Variants in DLG2 observed in about 807,000 individuals in gnomAD.
DLG2 encodes discs large MAGUK scaffold protein 2.
In DLG2, 45 loss-of-function variants were observed where a neutral mutation model predicts 132.5. The observed-to-expected ratio is 0.34, with a 90% confidence interval of 0.27 to 0.44. The LOEUF is 0.44. DLG2 is among the 20% of genes least tolerant of loss of function. The pLI, the probability that DLG2 is intolerant of heterozygous loss-of-function variation, is 1.00. For synonymous variants in DLG2, 424 were observed against 419.6 expected, an observed-to-expected ratio of 1.01 and a Z score of -0.13; for missense variants, 1,045 against 1,196.9, an observed-to-expected ratio of 0.87 and a Z score of 1.87.
At position 85,592,729 on chromosome 11, in the gene DLG2, T is replaced by G. The variant is rs1591109802; in HGVS notation, c.40+5928A>C. On this transcript the variant is annotated intron_variant, in intron 3 of 27. Transcript: ENST00000376104. ...ACTTTGGAATGCCAAGGTGGGAGAA[T>G]CACTTGAGCCCAGGAGTTCAACACC... 4.6e-5 allele frequency among the ~76,000 whole-genome samples: 7 copies of G among 152,082 alleles called. No homozygotes were observed. In the South Asian group the frequency reaches 1.4e-3, roughly 32 times the overall value.
intron 6 of DLG2, among the ~76,000 whole-genome samples, chr11:84,659,624 T>G (rs2099692316): frequency 6.6e-6 from 1 of 152,156 alleles, no homozygotes; most frequent in Non-Finnish European, 1.5e-5. Context: ...TCCTTCACTC[T>G]TTTTCCAAAT....
chr11:84,753,726 T>C (rs930688527), intron 6 of DLG2, among the ~76,000 whole-genome samples: 7 of 152,136 alleles, frequency 4.6e-5, no homozygotes, highest in African/African-American at 1.7e-4. Flanking sequence ...AGTCATGGAA[T>C]GGGCTTGATG....
At chr11:84,289,574 T>C (rs759716579) in intron 7 of DLG2, among the ~76,000 whole-genome samples, 3 of 152,066 alleles carry the variant, frequency 2.0e-5, no homozygotes, top group Non-Finnish European at 4.4e-5. Context: ...TAGAAGCAAG[T>C]TCTTCTAAAT....
chr11:85,179,217 C>T (rs1437124528), intron 4 of DLG2, among the ~76,000 whole-genome samples: 1 of 151,780 alleles, frequency 6.6e-6, no homozygotes, highest in Non-Finnish European at 1.5e-5. Flanking sequence ...GTCCTATAAG[C>T]TTATAGCCAG....
At chr11:84,087,574 G>A (rs2097009550) in intron 10 of DLG2, among the ~76,000 whole-genome samples, 1 of 152,130 alleles carries the variant, frequency 6.6e-6, no homozygotes, top group Non-Finnish European at 1.5e-5. Flanking sequence ...AGACCTTTCA[G>A]ATGTAATTCA....
intron 8 of DLG2, among the ~76,000 whole-genome samples, chr11:84,217,326 G>C (rs2096849533): frequency 6.6e-6 from 1 of 152,148 alleles, no homozygotes; most frequent in Non-Finnish European, 1.5e-5. Context: ...ATGGGGGCAG[G>C]TCTTTCCTGT....
At chr11:83,834,004 A>T (rs575247370) in intron 16 of DLG2, among the ~76,000 whole-genome samples, 4 of 152,324 alleles carry the variant, frequency 2.6e-5, no homozygotes, top group South Asian at 2.1e-4. Context: ...ATTCTAAAAA[A>T]ATTTCTTAAA....
chr11:85,416,579 G>T (rs994773693), intron 3 of DLG2, among the ~76,000 whole-genome samples: 2 of 152,142 alleles, frequency 1.3e-5, no homozygotes, highest in Admixed American at 1.3e-4. Flanking sequence ...CATCAGTATG[G>T]AATGTTCTTC....
At chr11:84,927,887 C>G (rs766948357) in intron 6 of DLG2, among the ~76,000 whole-genome samples, 1 of 151,860 alleles carries the variant, frequency 6.6e-6, no homozygotes, top group East Asian at 1.9e-4. Context: ...TAGAAATTCT[C>G]CATACCCCAG....
At chr11:83,932,350 C>T (rs1019383795) in intron 14 of DLG2, among the ~76,000 whole-genome samples, 9 of 151,980 alleles carry the variant, frequency 5.9e-5, no homozygotes, top group East Asian at 1.9e-4. Context: ...TTCTCCTGCC[C>T]CAGCCTCCCG....
intron 11 of DLG2, among the ~76,000 whole-genome samples, chr11:84,036,107 C>T (rs1223420314): frequency 6.6e-6 from 1 of 151,740 alleles, no homozygotes; most frequent in African/African-American, 2.4e-5. Context: ...ACTTATGAAA[C>T]CTGAAGCATA....
chr11:83,740,872 G>C (rs976247204), intron 18 of DLG2, among the ~76,000 whole-genome samples: 1 of 151,952 alleles, frequency 6.6e-6, no homozygotes, highest in Non-Finnish European at 1.5e-5. Context: ...AAAACACATG[G>C]GGACAGAATT....
In DLG2 at chr11:83,663,927, T is replaced by C. The variant is rs567696554; in HGVS notation, c.1826-30602A>G. 2.6e-5 allele frequency among the ~76,000 whole-genome samples: 4 copies of C among 152,252 alleles called. No homozygotes were observed. In the East Asian group the frequency reaches 5.8e-4, roughly 22 times the overall value. On this transcript the variant is annotated intron_variant, in intron 18 of 27. Transcript: ENST00000376104. Reference sequence around the variant, plus strand: ...ATTAATCTGCCTTCATTGTAATGTATTAAAAAGAGTGTCACATTTGGAATC... The same window carrying C: ...ATTAATCTGCCTTCATTGTAATGTACTAAAAAGAGTGTCACATTTGGAATC...
chr11:84,983,550 C>T (rs2056069022), intron 6 of DLG2, among the ~76,000 whole-genome samples: 1 of 152,068 alleles, frequency 6.6e-6, no homozygotes, highest in Admixed American at 6.6e-5. Context: ...TGAGAAGGAA[C>T]CAGGAAAACA....
At chr11:83,804,029 A>C (rs2045240586) in intron 17 of DLG2, among the ~76,000 whole-genome samples, 1 of 152,118 alleles carries the variant, frequency 6.6e-6, no homozygotes, top group Non-Finnish European at 1.5e-5. Flanking sequence ...ATTACATCTT[A>C]GTATTTCTTT....
chr11:83,724,476 T>TGTGTGTGAGAGAGAGA (rs762050933), intron 18 of DLG2, among the ~76,000 whole-genome samples: 22 of 118,228 alleles, frequency 1.9e-4, no homozygotes, highest in Admixed American at 6.7e-4. Flanking sequence ...TGTGTGTGTG[T>TGTGTGTGAGAGAGAGA]GAGAGAGAGA....
intron 14 of DLG2, among the ~76,000 whole-genome samples, chr11:83,956,423 T>C (rs1399559200): frequency 2.0e-5 from 3 of 152,300 alleles, no homozygotes; most frequent in African/African-American, 4.8e-5. Context: ...TATGGGATTA[T>C]GGGCACCCTC....
chr11:85,470,924 A>T (rs1200006973), intron 3 of DLG2, among the ~76,000 whole-genome samples: 1 of 152,196 alleles, frequency 6.6e-6, no homozygotes, highest in Non-Finnish European at 1.5e-5. Context: ...ACATTCAGGC[A>T]TTGTAAATCC....
intron 3 of DLG2, among the ~76,000 whole-genome samples, chr11:85,503,637 G>A (rs2093856303): frequency 6.6e-6 from 1 of 152,020 alleles, no homozygotes; most frequent in African/African-American, 2.4e-5. Flanking sequence ...GGCTTTATAA[G>A]AAAAGAAACA....
Sources: allele counts gnomAD v4.1 joint callset (sites outside exome capture counted in the v4.1 genomes callset), GRCh38; gene constraint gnomAD v4.1.1; transcripts MANE v1.5; gene names NCBI Gene and HGNC (gene_info 2026-07-23, HGNC 2026-07-21).